SLC17A1: variants seen among roughly 807,000 people sequenced by gnomAD.
SLC17A1 encodes solute carrier family 17 member 1, also known as sodium-dependent phosphate transport protein 1.
In SLC17A1, 51 loss-of-function variants were observed where a neutral mutation model predicts 53.5. The observed-to-expected ratio is 0.95, with a 90% confidence interval of 0.76 to 1.20. The LOEUF (loss-of-function observed/expected upper bound fraction) is 1.20. Among genes scored for constraint, SLC17A1 ranks in the 50% most tolerant of loss-of-function variants. SLC17A1 has a pLI of 0.00. For synonymous variants in SLC17A1, 179 were observed against 198.8 expected (o/e 0.90, Z 0.84); for missense variants, 538 against 568.2 (o/e 0.95, Z 0.54).
At chr6:25,757,207 A>C in the SLC17A1 span, among the ~76,000 whole-genome samples, 5 of 152,210 alleles carry the variant, frequency 3.3e-5, no homozygotes, top group Admixed American at 3.3e-4. Flanking sequence ...CTTTAGTGGT[A>C]CGTTACATAA....
downstream of SLC17A1, chr6:25,779,516 A>G: frequency 4.5e-6 from 1 of 223,072 alleles, no homozygotes; most frequent in Non-Finnish European, 8.7e-6. Context: ...TGAGAATCAC[A>G]AGGGAGTTGC....
At chr6:25,790,048 C>G (rs555225619) in intron 12 of SLC17A1, among the ~76,000 whole-genome samples, 2 of 152,030 alleles carry the variant, frequency 1.3e-5, no homozygotes, top group African/African-American at 2.4e-5. Flanking sequence ...AAAAAAAGCT[C>G]TTTGTACTAC....
At chr6:25,726,855 T>A in the SLC17A1 span, 6 of 1,555,560 alleles carry the variant, frequency 3.9e-6, no homozygotes, top group Non-Finnish European at 5.2e-6. Context: ...CACTGGAAAG[T>A]GCTGTGTAAC....
chr6:25,773,486 G>A, the SLC17A1 span: 1 of 1,613,086 alleles, frequency 6.2e-7, no homozygotes, highest in Non-Finnish European at 8.5e-7. Flanking sequence ...TCTGACGGAG[G>A]GGACATTGAT....
Position 25,819,567 on chromosome 6 carries a change from T to A in SLC17A1, c.473A>T (p.Tyr158Phe). 6.2e-7 allele frequency: 1 copy of A among 1,614,180 alleles called. No homozygotes were observed. The highest frequency in any genetic ancestry group is 1.3e-5 in the African/African-American group (1 of 75,064). Residue 158 changes from tyrosine to phenylalanine, a missense_variant, in exon 5 of 13, where the codon TAT (tyrosine) becomes TTT (phenylalanine). Tyr to Phe is a conservative substitution (Grantham distance 22). Transcript: ENST00000244527. ...GIVATAQFEI[Y>F]VKWAPPLERG... ...TTCCAGGGGAGGAGCCCATTTGACA[T>A]ATATTTCAAACTGGGCTGTTGCAAC...
the SLC17A1 span, among the ~76,000 whole-genome samples, chr6:25,772,949 G>T: frequency 6.6e-6 from 1 of 152,216 alleles, no homozygotes; most frequent in African/African-American, 2.4e-5. Context: ...CTCTGTGTCT[G>T]TCATCTGCCT....
At chr6:25,808,800 G>A (rs1044077973) in intron 10 of SLC17A1, among the ~76,000 whole-genome samples, 2 of 152,054 alleles carry the variant, frequency 1.3e-5, no homozygotes, top group African/African-American at 4.8e-5. Flanking sequence ...TACACTGTTA[G>A]TGGAAATGTA....
At chr6:25,813,671 C>G (rs1196783060) in intron 6 of SLC17A1, among the ~76,000 whole-genome samples, 1 of 152,060 alleles carries the variant, frequency 6.6e-6, no homozygotes, top group Non-Finnish European at 1.5e-5. Flanking sequence ...ATTTCATCAC[C>G]CAGGTATTAA....
At chr6:25,730,918 A>C in the SLC17A1 span, among the ~76,000 whole-genome samples, 2 of 152,216 alleles carry the variant, frequency 1.3e-5, no homozygotes, top group African/African-American at 4.8e-5. Context: ...TGTAGGAAGT[A>C]AAATTACCAT....
chr6:25,745,679 T>C, the SLC17A1 span, among the ~76,000 whole-genome samples: 1 of 152,210 alleles, frequency 6.6e-6, no homozygotes, highest in South Asian at 2.1e-4. Flanking sequence ...GCTCCAGGTC[T>C]TTCTATTTCA....
At chr6:25,809,260 G>A (rs1419594316) in intron 10 of SLC17A1, among the ~76,000 whole-genome samples, 1 of 151,946 alleles carries the variant, frequency 6.6e-6, no homozygotes, top group African/African-American at 2.4e-5. Context: ...TGGGAGGAGG[G>A]TGAGGGTTAA....
chr6:25,779,292 C>A (rs983012924), downstream of SLC17A1: 4 of 1,479,202 alleles, frequency 2.7e-6, no homozygotes, highest in Admixed American at 2.1e-5. Context: ...ATTAGCTAGA[C>A]CCTGACTATG....
downstream of SLC17A1, chr6:25,780,184 C>T (rs1245262367): frequency 6.6e-6 from 1 of 152,174 alleles, no homozygotes; most frequent in Non-Finnish European, 1.5e-5. Context: ...GATAGCAAAA[C>T]CATTTCAACA....
chr6:25,726,060 C>T, the SLC17A1 span: 7 of 1,357,396 alleles, frequency 5.2e-6, no homozygotes, highest in African/African-American at 1.5e-5. Flanking sequence ...TTTTCTGAGA[C>T]GGTAGGTGGC....
chr6:25,759,804 G>T, the SLC17A1 span, among the ~76,000 whole-genome samples: 235 of 152,248 alleles, frequency 1.5e-3, no homozygotes, highest in African/African-American at 5.2e-3. Flanking sequence ...ATAGATACTT[G>T]GTTGTTTACC....
intron 12 of SLC17A1, among the ~76,000 whole-genome samples, chr6:25,790,923 G>GT (rs1763486876): frequency 6.6e-6 from 1 of 152,218 alleles, no homozygotes; most frequent in African/African-American, 2.4e-5. Context: ...CTTAGCAATA[G>GT]TTTTTTCAGT....
intron 6 of SLC17A1, among the ~76,000 whole-genome samples, chr6:25,818,206 C>T (rs989489271): frequency 6.6e-6 from 1 of 152,146 alleles, no homozygotes; most frequent in African/African-American, 2.4e-5. Context: ...TCTTTTCAAA[C>T]CCTGGTTAGC....
At chr6:25,810,806 C>T (rs1951905) in intron 10 of SLC17A1, among the ~76,000 whole-genome samples, 42,322 of 152,020 alleles carry the variant, frequency 0.28, 6,390 homozygotes, top group African/African-American at 0.4. Context: ...TGCACTACCA[C>T]GTTCATTGCA....
the SLC17A1 span, chr6:25,726,217 G>C: frequency 6.2e-7 from 1 of 1,611,982 alleles, no homozygotes; most frequent in Non-Finnish European, 8.5e-7. Context: ...TCCGCCCTGG[G>C]CAATGGTCAC....
Sources: gnomAD v4.1 joint callset for allele counts (sites outside exome capture counted in the v4.1 genomes callset) on GRCh38, gnomAD v4.1.1 for gene constraint, MANE v1.5 for transcripts, NCBI Gene and HGNC (gene_info 2026-07-23, HGNC 2026-07-21) for gene names.